Variants in HECA observed in about 807,000 individuals in gnomAD.
HECA encodes HECA ribonucleoprotein granule regulator.
HECA carries 13 observed loss-of-function variants against 37.6 expected under a neutral mutation model. The observed-to-expected ratio is 0.35, with a 90% CI of 0.23 to 0.55. The LOEUF is 0.55. Among genes scored for constraint, HECA ranks in the 20% least tolerant of loss-of-function variants. HECA has a pLI of 0.90. For synonymous variants in HECA, 307 were observed against 291.5 expected, an observed-to-expected ratio of 1.05 and a Z score of -0.54; for missense variants, 527 against 701.9, an observed-to-expected ratio of 0.75 and a Z score of 2.82.
At chr6:139,137,821 C>T (rs1312031720) in intron 1 of HECA, among the ~76,000 whole-genome samples, 1 of 151,954 alleles carries the variant, frequency 6.6e-6, no homozygotes, top group African/African-American at 2.4e-5. Context: ...GTGGCAGACT[C>T]AAGTATATTT....
At chr6:139,157,086 G>A (rs34262416) in intron 1 of HECA, among the ~76,000 whole-genome samples, 18,955 of 152,242 alleles carry the variant, frequency 0.12, 1,496 homozygotes, top group East Asian at 0.19. Flanking sequence ...GTTATTTCTT[G>A]ATGATACACT....
At chr6:139,153,851 A>G (rs954989205) in intron 1 of HECA, among the ~76,000 whole-genome samples, 15 of 152,244 alleles carry the variant, frequency 9.9e-5, no homozygotes, top group African/African-American at 3.6e-4. Context: ...TTCCTATAAC[A>G]AAATATACAT....
chr6:139,140,775 T>A (rs1774503529), intron 1 of HECA, among the ~76,000 whole-genome samples: 2 of 152,184 alleles, frequency 1.3e-5, no homozygotes, highest in South Asian at 4.1e-4. Flanking sequence ...CCTAACTGAT[T>A]TTGATCAGCA....
At chr6:139,154,897 T>C (rs900499013) in intron 1 of HECA, among the ~76,000 whole-genome samples, 12 of 152,236 alleles carry the variant, frequency 7.9e-5, no homozygotes, top group Admixed American at 2.6e-4. Flanking sequence ...CAAGCTTATT[T>C]TCCTAAGCAA....
At position 139,176,086 on chromosome 6, in the gene HECA, ATGT is replaced by A. The variant is rs1161444413; in HGVS notation, c.1468-850_1468-848del. Reference sequence around the variant, plus strand: ...GGGTTTGCTCAGAATCACACTTTTAATGTTGTTCAGAGAGATTACGTAGTTAAA... The same window carrying A: ...GGGTTTGCTCAGAATCACACTTTTAATGTTCAGAGAGATTACGTAGTTAAA... On this transcript the variant is annotated intron_variant, in intron 3 of 3. Transcript: ENST00000367658. The surrounding 1 kb of genome is among the most constrained non-coding windows in gnomAD (Gnocchi z 4.5). Among the ~76,000 whole-genome samples the A allele has an allele frequency of 6.6e-6, 1 of 152,184 alleles. No individual in the cohort carries two copies. Among genetic ancestry groups the A allele is most frequent in the East Asian group, 1.9e-4 (1 of 5,198 alleles).
Position 139,178,078 on chromosome 6 carries a change from C to T in HECA, c.*973C>T, listed in dbSNP as rs555993338. Reference sequence around the variant, plus strand: ...TGAGTTTCCAAAATCAAAGATTTGACCTTAAGAGGGAAGGGAAAAAAGTGT... The same window carrying T: ...TGAGTTTCCAAAATCAAAGATTTGATCTTAAGAGGGAAGGGAAAAAAGTGT... On this transcript the variant is annotated 3_prime_UTR_variant, in exon 4 of 4. Coordinates refer to ENST00000367658, the MANE Select transcript of HECA (RefSeq NM_016217.3). The T allele has an allele frequency of 6.6e-6, 1 of 151,908 alleles. No homozygotes were observed. Among genetic ancestry groups the T allele is most frequent in the African/African-American group, 2.4e-5 (1 of 41,314 alleles). The allele number at this position is 151,908 out of a possible 1,614,324, so 9.4% of individuals were successfully genotyped here.
intron 3 of HECA, 121 bp downstream of exon 3, chr6:139,174,660 A>G: frequency 1.4e-6 from 2 of 1,420,944 alleles, no homozygotes; most frequent in Non-Finnish European, 1.9e-6. Flanking sequence ...TGGCTGAGTT[A>G]CTACTTGTAA....
intron 1 of HECA, among the ~76,000 whole-genome samples, chr6:139,149,137 A>G (rs1382954707): frequency 1.3e-5 from 2 of 152,232 alleles, no homozygotes; most frequent in African/African-American, 2.4e-5. Flanking sequence ...AAATGAGAAC[A>G]TAGCACTCGA....
chr6:139,145,769 T>G (rs1582936473), intron 1 of HECA, among the ~76,000 whole-genome samples: 1 of 152,196 alleles, frequency 6.6e-6, no homozygotes, highest in African/African-American at 2.4e-5. Context: ...AACAAAGGAC[T>G]TTTTGGAAAG....
At chr6:139,166,019 G>A (rs1166793113) in intron 1 of HECA, 3 of 353,838 alleles carry the variant, frequency 8.5e-6, no homozygotes, top group African/African-American at 2.1e-5. Context: ...ATGTTCCAGC[G>A]GCTTTCTGGT....
intron 1 of HECA, among the ~76,000 whole-genome samples, chr6:139,136,623 C>G (rs905134281): frequency 8.0e-5 from 12 of 149,840 alleles, no homozygotes; most frequent in African/African-American, 2.7e-4. Context: ...TTATGTAGAT[C>G]AGGCACTTTT....
intron 1 of HECA, among the ~76,000 whole-genome samples, chr6:139,138,235 A>G (rs1332467122): frequency 6.6e-6 from 1 of 152,158 alleles, no homozygotes; most frequent in African/African-American, 2.4e-5. Context: ...GGGGCAAGAG[A>G]TGCGTAAATT....
chr6:139,176,208 C>T lies in HECA; in HGVS notation c.1468-733C>T, dbSNP rs1439263924. Among the ~76,000 whole-genome samples the T allele has an allele frequency of 6.6e-6, 1 of 152,186 alleles. No individual in the cohort carries two copies. The highest frequency in any genetic ancestry group is 2.4e-5 in the African/African-American group (1 of 41,450). Reference sequence around the variant, plus strand: ...TCACTCCAGCCTTGCTGCTTTCTAACCATGGTCTTTGGCATGGTGCTTTAT... The same window carrying T: ...TCACTCCAGCCTTGCTGCTTTCTAATCATGGTCTTTGGCATGGTGCTTTAT... On this transcript the variant is annotated intron_variant, in intron 3 of 3. Coordinates refer to ENST00000367658, the MANE Select transcript of HECA (RefSeq NM_016217.3). The surrounding 1 kb of genome is among the most constrained non-coding windows in gnomAD (Gnocchi z 4.5).
chr6:139,150,476 A>T (rs1230815411), intron 1 of HECA, among the ~76,000 whole-genome samples: 2 of 27,808 alleles, frequency 7.2e-5, no homozygotes, highest in Non-Finnish European at 2.1e-4. Flanking sequence ...AGTGGGGCTA[A>T]AAAAAAAAAA....
chr6:139,145,533 G>C (rs190278651), intron 1 of HECA, among the ~76,000 whole-genome samples: 9 of 152,248 alleles, frequency 5.9e-5, no homozygotes, highest in Admixed American at 5.2e-4. Context: ...ATATATACAC[G>C]TAATATAGTG....
rs1775045437 is a variant in HECA, at chr6:139,175,878, G to A, written c.1468-1063G>A. Among the ~76,000 whole-genome samples, 3 of 152,150 alleles carry A rather than the reference G, an allele frequency of 2.0e-5. No homozygotes were observed. In the South Asian group the frequency reaches 6.2e-4, roughly 32 times the overall value. ...GTATTTCTTCCTTAAAACAATTGAA[G>A]CCCAGACCTTTCTTTTCTGGCCCCC... On this transcript the variant is annotated intron_variant, in intron 3 of 3. Coordinates refer to ENST00000367658, the MANE Select transcript of HECA (RefSeq NM_016217.3).
chr6:139,141,473 T>C (rs554172223), intron 1 of HECA, among the ~76,000 whole-genome samples: 86 of 152,374 alleles, frequency 5.6e-4, no homozygotes, highest in African/African-American at 1.7e-3. Flanking sequence ...CTTATTTATA[T>C]ATTTCTGGGC....
At chr6:139,167,579 A>C (rs1368188762) in intron 2 of HECA, among the ~76,000 whole-genome samples, 1 of 152,248 alleles carries the variant, frequency 6.6e-6, no homozygotes, top group South Asian at 2.1e-4. Context: ...TTGCCGGTGT[A>C]TGGTTTTGCA....
chr6:139,172,111 G>A (rs1196813510), intron 2 of HECA, among the ~76,000 whole-genome samples: 2 of 152,120 alleles, frequency 1.3e-5, no homozygotes, highest in Non-Finnish European at 2.9e-5. Flanking sequence ...GATTATAGGC[G>A]TGAGCCACTG....
Sources: allele counts gnomAD v4.1 joint callset (sites outside exome capture counted in the v4.1 genomes callset), GRCh38; gene constraint gnomAD v4.1.1; non-coding constraint Gnocchi (gnomAD v3.1); transcripts MANE v1.5; gene names NCBI Gene and HGNC (gene_info 2026-07-23, HGNC 2026-07-21).